The following RFX3 variants were observed in gnomAD, a reference collection of about 807,000 sequenced individuals.
RFX3 encodes regulatory factor X3.
Under a neutral mutation model 98.6 loss-of-function variants are expected in RFX3, and 14 were observed. The observed-to-expected ratio is 0.14, with a 90% CI of 0.09 to 0.22. RFX3 has a LOEUF of 0.22. Among genes scored for constraint, RFX3 ranks in the 10% least tolerant of loss-of-function variants. The pLI, the probability that RFX3 is intolerant of heterozygous loss-of-function variation, is 1.00. For missense variants in RFX3, 639 were observed against 926.9 expected (o/e 0.69, Z 4.03); for synonymous variants, 383 against 328.4 (o/e 1.17, Z -1.80).
At chr9:3,457,182 T>C (rs992872667) in intron 1 of RFX3, among the ~76,000 whole-genome samples, 10 of 142,618 alleles carry the variant, frequency 7.0e-5, no homozygotes, top group Non-Finnish European at 1.2e-4. Context: ...AAAAGAATTG[T>C]CCCAAGGATA....
At chr9:3,497,148 C>A in intron 1 of RFX3, among the ~76,000 whole-genome samples, 1 of 152,112 alleles carries the variant, frequency 6.6e-6, no homozygotes, top group South Asian at 2.1e-4. Context: ...AATATAGTGA[C>A]AAAGTCTTGA....
At chr9:3,515,187 G>C (rs1469247296) in intron 1 of RFX3, among the ~76,000 whole-genome samples, 1 of 152,132 alleles carries the variant, frequency 6.6e-6, no homozygotes, top group African/African-American at 2.4e-5. Context: ...TTATGAACTA[G>C]ATTTTCTCAC....
intron 7 of RFX3, among the ~76,000 whole-genome samples, chr9:3,287,056 C>T (rs1308640539): frequency 6.6e-6 from 1 of 151,736 alleles, no homozygotes; most frequent in African/African-American, 2.4e-5. Context: ...TTCCATTCTC[C>T]ATGTGCCTCC....
chr9:3,338,500 T>A (rs2131012242), intron 3 of RFX3, among the ~76,000 whole-genome samples: 1 of 151,930 alleles, frequency 6.6e-6, no homozygotes, highest in African/African-American at 2.4e-5. Context: ...GATCGGCACA[T>A]CTTTACTTAG....
chr9:3,407,684 T>A (rs1290824665), intron 1 of RFX3, among the ~76,000 whole-genome samples: 1 of 152,194 alleles, frequency 6.6e-6, no homozygotes, highest in South Asian at 2.1e-4. Context: ...TTCTTCTATA[T>A]TATGGGAATT....
At chr9:3,511,612 G>C (rs1034741913) in intron 1 of RFX3, among the ~76,000 whole-genome samples, 1 of 151,914 alleles carries the variant, frequency 6.6e-6, no homozygotes, top group East Asian at 1.9e-4. Flanking sequence ...GAAGATAGTT[G>C]GTTCTCTTCC....
intron 4 of RFX3, among the ~76,000 whole-genome samples, chr9:3,329,419 A>C (rs1832320298): frequency 6.7e-6 from 1 of 150,082 alleles, no homozygotes; most frequent in Non-Finnish European, 1.5e-5. Flanking sequence ...AAAAAAAAAA[A>C]AAAAAAAAAC....
intron 12 of RFX3, 110 bp downstream of exon 12, chr9:3,266,098 T>A (rs999617336): frequency 9.2e-6 from 5 of 541,886 alleles, no homozygotes; most frequent in Non-Finnish European, 1.6e-5. Flanking sequence ...AGATGATGTA[T>A]GTTATAACCT....
intron 4 of RFX3, among the ~76,000 whole-genome samples, chr9:3,309,990 A>C (rs1460994617): frequency 6.6e-6 from 1 of 152,226 alleles, no homozygotes; most frequent in Non-Finnish European, 1.5e-5. Flanking sequence ...ACAAGGTGGT[A>C]CAAAAGAGGC....
At chr9:3,310,199 T>C (rs1233988022) in intron 4 of RFX3, among the ~76,000 whole-genome samples, 1 of 152,198 alleles carries the variant, frequency 6.6e-6, no homozygotes, top group Non-Finnish European at 1.5e-5. Flanking sequence ...GGAAGAGGTG[T>C]TGAGTCTTTT....
At chr9:3,456,902 A>G (rs1219796753) in intron 1 of RFX3, among the ~76,000 whole-genome samples, 1 of 151,822 alleles carries the variant, frequency 6.6e-6, no homozygotes, top group Non-Finnish European at 1.5e-5. Context: ...TAATCCCAGC[A>G]CTCTGGGAGG....
At chr9:3,429,420 AATAT>A (rs1286548547) in intron 1 of RFX3, among the ~76,000 whole-genome samples, 1 of 149,512 alleles carries the variant, frequency 6.7e-6, no homozygotes, top group Non-Finnish European at 1.5e-5. Flanking sequence ...ATAATATACA[AATAT>A]ATATAATATA....
chr9:3,504,029 G>C (rs765815644), intron 1 of RFX3, among the ~76,000 whole-genome samples: 7 of 150,708 alleles, frequency 4.6e-5, no homozygotes, highest in Non-Finnish European at 8.9e-5. Context: ...GAAGCAGGTA[G>C]GGTGGACTTC....
chr9:3,427,183 C>A (rs1008644897), intron 1 of RFX3, among the ~76,000 whole-genome samples: 1 of 146,008 alleles, frequency 6.8e-6, no homozygotes, highest in African/African-American at 2.5e-5. Flanking sequence ...TTTGCACGTG[C>A]AGTAACTTAT....
At chr9:3,249,134 T>G (rs1821058692) in intron 14 of RFX3, among the ~76,000 whole-genome samples, 1 of 152,104 alleles carries the variant, frequency 6.6e-6, no homozygotes, top group African/African-American at 2.4e-5. Context: ...CATTGTATTC[T>G]CAGGAGAAAG....
intron 3 of RFX3, among the ~76,000 whole-genome samples, chr9:3,344,346 TATATACTTAACCAGTTGGG>T (rs1834204059): frequency 6.6e-6 from 1 of 152,180 alleles, no homozygotes; most frequent in Admixed American, 6.5e-5. Flanking sequence ...ATATTTGCAT[TATATACTTAACCAGTTGGG>T]CATCCTTAAG....
intron 7 of RFX3, among the ~76,000 whole-genome samples, chr9:3,282,482 G>A (rs1826034936): frequency 6.6e-6 from 1 of 151,738 alleles, no homozygotes; most frequent in Non-Finnish European, 1.5e-5. Flanking sequence ...AAAGGAGGAG[G>A]TTGAAGCTGC....
At chr9:3,260,338 C>T (rs985893448) in intron 13 of RFX3, among the ~76,000 whole-genome samples, 1 of 151,818 alleles carries the variant, frequency 6.6e-6, no homozygotes, top group Non-Finnish European at 1.5e-5. Context: ...ATAAGTCGTA[C>T]AGTAGACATA....
intron 1 of RFX3, chr9:3,453,822 C>G (rs1025081159): frequency 2.0e-5 from 3 of 151,440 alleles, no homozygotes; most frequent in Non-Finnish European, 2.9e-5. Context: ...TTGAAATTGT[C>G]TTTGGCATTA....
Sources: allele counts gnomAD v4.1 joint callset (sites outside exome capture counted in the v4.1 genomes callset), GRCh38; gene constraint gnomAD v4.1.1; transcripts MANE v1.5; gene names NCBI Gene and HGNC (gene_info 2026-07-23, HGNC 2026-07-21).